The following NBPF9 variants were observed in gnomAD, a reference collection of about 807,000 sequenced individuals.
NBPF9 encodes NBPF member 9, also known as NBPF family member NBPF9.
Under a neutral mutation model 97.8 loss-of-function variants are expected in NBPF9, and 91 were observed. The observed-to-expected ratio is 0.93, with a 90% confidence interval of 0.79 to 1.11. The LOEUF (loss-of-function observed/expected upper bound fraction) is 1.11, where lower values mean the gene tolerates loss of function less well. Among genes scored for constraint, NBPF9 ranks in the 50% least tolerant of loss-of-function variants. The pLI, the probability that NBPF9 is intolerant of heterozygous loss-of-function variation, is 0.00. For synonymous variants in NBPF9, 334 were observed against 359.5 expected, an observed-to-expected ratio of 0.93 and a Z score of 0.80; for missense variants, 992 against 939.5, an observed-to-expected ratio of 1.06 and a Z score of -0.73.
At position 149,059,881 on chromosome 1, in the gene NBPF9, C is replaced by T. The variant is rs1304231889; in HGVS notation, c.2477-73G>A. On this transcript the variant is annotated intron_variant, in intron 24 of 29. Transcript: ENST00000584027. ...CACATATAACAATCCACTGTCTAAT[C>T]CTCACACAGGGACCTCAGGCTCCTC... is the stretch of plus-strand genomic sequence containing the variant. The T allele has an allele frequency of 1.0e-5, 5 of 498,958 alleles. No individual in the cohort carries two copies. In the East Asian group the frequency reaches 1.1e-4, roughly 11 times the overall value. 30.9% of individuals were successfully genotyped at this position (498,958 alleles called of 1,614,324 possible).
chr1:149,090,615 A>G (rs2152920781), intron 5 of NBPF9, 138 bp downstream of exon 5: 2 of 625,128 alleles, frequency 3.2e-6, no homozygotes, highest in East Asian at 2.8e-5. Flanking sequence ...AACAAGGGAC[A>G]TCATCATTTA....
At chr1:149,068,152 G>A (rs1335171471) in intron 17 of NBPF9, among the ~76,000 whole-genome samples, 6 of 148,748 alleles carry the variant, frequency 4.0e-5, no homozygotes, top group Non-Finnish European at 8.8e-5. Context: ...GGAACAACCG[G>A]TACCAGCCAC....
chr1:149,084,913 T>C (rs1161033339), intron 5 of NBPF9, among the ~76,000 whole-genome samples: 1 of 151,522 alleles, frequency 6.6e-6, no homozygotes, highest in African/African-American at 2.4e-5. Flanking sequence ...TCACCATGAC[T>C]GCCAAGACGC....
chr1:149,099,754 G>A (rs1457390370), intron 3 of NBPF9, among the ~76,000 whole-genome samples: 1 of 152,002 alleles, frequency 6.6e-6, no homozygotes, highest in African/African-American at 2.4e-5. Flanking sequence ...AGATGCCAAG[G>A]TGGGAGGATC....
chr1:149,072,911 G>A lies in NBPF9; in HGVS notation c.1113C>T (p.His371=), dbSNP rs587724331. The change falls in exon 14 of 30, where the codon CAC becomes CAT. Residue 371 remains histidine, a synonymous_variant. Transcript: ENST00000584027. ...ACTGGGTCAGCTCTCGTTCCTGAGC[G>A]TGAACCAGGACTTTATATTGCCTAA... The A allele has an allele frequency of 2.8e-4, 444 of 1,606,964 alleles. 22 individuals are homozygous for A. The highest frequency in any genetic ancestry group is 1.4e-3 in the Admixed American group (85 of 59,866).
At chr1:149,060,089 T>A (rs1360442943) in intron 24 of NBPF9, 2 of 286,902 alleles carry the variant, frequency 7.0e-6, no homozygotes, top group East Asian at 4.6e-5. Flanking sequence ...TTCCAATCAA[T>A]TTAAAGCAAA....
chr1:149,090,276 T>A (rs1446398144), intron 5 of NBPF9: 1 of 154,960 alleles, frequency 6.5e-6, no homozygotes, highest in Non-Finnish European at 1.4e-5. Flanking sequence ...TTTGGAAGCA[T>A]GTATCCTAAG....
chr1:149,059,378 T>G, intron 25 of NBPF9: 1 of 438,734 alleles, frequency 2.3e-6, no homozygotes, highest in East Asian at 2.9e-5. Context: ...CACTCTGAGT[T>G]CGTGCCCTCA....
At chr1:149,081,980 G>T in exon 7 of NBPF9, 2 of 1,594,698 alleles carry the variant, frequency 1.3e-6, no homozygotes, top group East Asian at 2.2e-5. Flanking sequence ...TTCTTCTGTC[G>T]GTTGGCCAGG....
intron 15 of NBPF9, among the ~76,000 whole-genome samples, 171 bp from the exon 16 acceptor site, chr1:149,071,310 T>C (rs587753570): frequency 6.6e-6 from 1 of 151,934 alleles, no homozygotes; most frequent in Non-Finnish European, 1.5e-5. Flanking sequence ...CAACAGACCA[T>C]GGCTGCCATG....
chr1:149,070,884 T>C lies in NBPF9; in HGVS notation c.1585+50A>G, dbSNP rs782186609. 7.7e-6 allele frequency: 11 copies of C among 1,428,952 alleles called. No homozygotes were observed. The African/African-American group carries it at 1.4e-4, about 18-fold the overall frequency. 88.5% of individuals were successfully genotyped at this position (1,428,952 alleles called of 1,614,324 possible). A position where few individuals can be genotyped will look rare whatever the true frequency, so the allele number is the denominator to read the frequency against. Reference sequence around the variant, plus strand: ...TTATAGAGCCTGTCTTCAGAGTTTATCTTCCTCAGCCTAGAGAGAGGTATG... The same window carrying C: ...TTATAGAGCCTGTCTTCAGAGTTTACCTTCCTCAGCCTAGAGAGAGGTATG... On this transcript the variant is annotated intron_variant, in intron 16 of 29. Coordinates refer to ENST00000584027, the Ensembl canonical transcript of NBPF9.
exon 9 of NBPF9, chr1:149,079,212 T>G: frequency 1.2e-6 from 1 of 867,606 alleles, no homozygotes; most frequent in Admixed American, 1.7e-5. Context: ...GAACCAGGAC[T>G]TTATATTGCC....
rs1368493110 is a variant in NBPF9, at chr1:149,061,898, G to T, written c.2251+195C>A. On this transcript the variant is annotated intron_variant, in intron 22 of 29. Coordinates refer to ENST00000584027, the Ensembl canonical transcript of NBPF9. ...CAGGCATGGCTGGAGACTAGGAATG[G>T]AGCCTTGCTCACTGACCCATTTCAT... 3.6e-5 allele frequency: 16 copies of T among 446,656 alleles called. 3 individuals are homozygous for T. The highest frequency in any genetic ancestry group is 8.0e-6 in the Non-Finnish European group (2 of 250,492). The allele number at this position is 446,656 out of a possible 1,614,324, so 27.7% of individuals were successfully genotyped here.
intron 5 of NBPF9, among the ~76,000 whole-genome samples, chr1:149,084,612 CT>C (rs1553657925): frequency 6.6e-6 from 1 of 150,888 alleles, no homozygotes; most frequent in African/African-American, 2.4e-5. Flanking sequence ...AGGTGGACAC[CT>C]CCATCTACAG....
chr1:149,060,979 G>T lies in NBPF9; in HGVS notation c.2304-284C>A. The T allele has an allele frequency of 4.8e-6, 2 of 416,876 alleles. 1 individual carries two copies. Among genetic ancestry groups the T allele is most frequent in the African/African-American group, 5.3e-5 (2 of 37,596 alleles). The allele number at this position is 416,876 out of a possible 1,614,324, so 25.8% of individuals were successfully genotyped here. On this transcript the variant is annotated intron_variant, in intron 23 of 29. Transcript: ENST00000584027. ...TGAATTGTCCAGATGACACACTGAT[G>T]AGGGAGTAACAGGACACTCTGAGTT...
intron 19 of NBPF9, among the ~76,000 whole-genome samples, chr1:149,064,069 C>T (rs1293258982): frequency 2.2e-5 from 3 of 136,930 alleles, no homozygotes; most frequent in Non-Finnish European, 4.7e-5. Flanking sequence ...TCAGGTGACA[C>T]ACTGATGAGG....
chr1:149,062,246 C>G, exon 22 of NBPF9: 1 of 864,640 alleles, frequency 1.2e-6, no homozygotes, highest in Non-Finnish European at 2.0e-6. Flanking sequence ...TCTTTCTCAT[C>G]CAGCAGCTCC....
chr1:149,059,029 G>A lies in NBPF9; in HGVS notation c.2654C>T (p.Ser885Leu), dbSNP rs1332554042. ...CAGTTCAAGATAACCTGAAGGAGTC[G>A]AATAACATCTATCCAGTGAGTCCTG... The change falls in exon 26 of 30, where the codon TCG (serine) becomes TTG (leucine). Residue 885 changes from serine (S) to leucine (L), a missense_variant. Around this residue, in one of 11 missense-constraint regions of NBPF9, gnomAD observed 397 missense variants for 213.6 expected, o/e 1.86. Coordinates refer to ENST00000584027, the Ensembl canonical transcript of NBPF9. 42 of 428,592 alleles carry A rather than the reference G, an allele frequency of 9.8e-5. 7 individuals carry two copies. The highest frequency in any genetic ancestry group is 5.8e-4 in the East Asian group (20 of 34,260). The allele number at this position is 428,592 out of a possible 1,614,324, so 26.5% of individuals were successfully genotyped here.
chr1:149,100,866 G>A (rs1575884696), intron 3 of NBPF9, among the ~76,000 whole-genome samples: 1 of 151,736 alleles, frequency 6.6e-6, no homozygotes, highest in East Asian at 2.0e-4. Context: ...GCCAGGAGGT[G>A]GAGGTTGCAG....
Sources: allele counts gnomAD v4.1 joint callset (sites outside exome capture counted in the v4.1 genomes callset), GRCh38; gene constraint gnomAD v4.1.1; regional missense constraint gnomAD v4.1.1; transcripts MANE v1.5; gene names NCBI Gene and HGNC (gene_info 2026-07-23, HGNC 2026-07-21).